Variants in TSHR observed in about 807,000 individuals in gnomAD.
TSHR encodes thyrotropin receptor.
In TSHR, 51 loss-of-function variants were observed where a neutral mutation model predicts 64.1. The ratio of observed to expected loss-of-function variants is 0.80; its 90% CI spans 0.64 to 1.01. The LOEUF (loss-of-function observed/expected upper bound fraction) is 1.01. TSHR is among the 50% of genes least tolerant of loss of function. The probability of loss-of-function intolerance (pLI) is 0.00; values close to 1 mark genes in which losing one functional copy is unlikely to be tolerated. For missense variants in TSHR, 877 were observed against 942.8 expected, an observed-to-expected ratio of 0.93 and a Z score of 0.91; for synonymous variants, 361 against 361.9, an observed-to-expected ratio of 1.00 and a Z score of 0.03.
At chr14:81,006,343 G>C (rs144447853) in intron 1 of TSHR, among the ~76,000 whole-genome samples, 198 of 152,056 alleles carry the variant, frequency 1.3e-3, no homozygotes, top group Middle Eastern at 3.4e-3. Context: ...CTTTTCTGGG[G>C]CATCTCTCCT....
intron 1 of TSHR, chr14:81,052,848 C>T (rs1332950081): frequency 1.3e-5 from 2 of 151,884 alleles, no homozygotes; most frequent in African/African-American, 2.4e-5. Flanking sequence ...TCATTGTTAC[C>T]ATATAGAAAC....
chr14:81,055,635 T>C (rs1489787286), intron 1 of TSHR, among the ~76,000 whole-genome samples: 1 of 152,140 alleles, frequency 6.6e-6, no homozygotes, highest in Non-Finnish European at 1.5e-5. Context: ...AGACATGGAG[T>C]CAAAGGAGAT....
rs1490265421 is a variant in TSHR, at chr14:81,038,648, C to A, written c.171-23500C>A. 1.3e-4 allele frequency among the ~76,000 whole-genome samples: 19 copies of A among 149,940 alleles called. 1 individual carries two copies. Among genetic ancestry groups the A allele is most frequent in the Non-Finnish European group, 2.7e-4 (18 of 67,328 alleles). ...AATAAAATCAGAGATTAAAAAGAAG[C>A]CATTATACCTGATACCACAGAAATA... On this transcript the variant is annotated intron_variant, in intron 1 of 9. Coordinates refer to ENST00000298171, the MANE Select transcript of TSHR (RefSeq NM_000369.5).
At chr14:81,020,894 C>T (rs1182691326) in intron 1 of TSHR, among the ~76,000 whole-genome samples, 1 of 152,046 alleles carries the variant, frequency 6.6e-6, no homozygotes, top group Non-Finnish European at 1.5e-5. Flanking sequence ...AACATCCTAT[C>T]TTTGTGAAGC....
At chr14:81,065,996 A>C (rs564621357) in intron 2 of TSHR, among the ~76,000 whole-genome samples, 1 of 152,312 alleles carries the variant, frequency 6.6e-6, no homozygotes, top group East Asian at 1.9e-4. Context: ...TTAAATGCGA[A>C]GAAGAAGTAG....
chr14:81,073,011 AT>A (rs869295363), intron 3 of TSHR, among the ~76,000 whole-genome samples: 13,769 of 58,158 alleles, frequency 0.24, 4,169 homozygotes, highest in Non-Finnish European at 0.34. Flanking sequence ...AAAAAAAAAA[AT>A]AAAAAATAAA....
chr14:81,000,293 A>C (rs1889246730), intron 1 of TSHR, among the ~76,000 whole-genome samples: 1 of 88,988 alleles, frequency 1.1e-5, no homozygotes, highest in Non-Finnish European at 2.4e-5. Context: ...CGGTTCTTTA[A>C]CTTAACATGT....
At chr14:81,141,515 G>T (rs1891686416) in intron 9 of TSHR, among the ~76,000 whole-genome samples, 1 of 152,210 alleles carries the variant, frequency 6.6e-6, no homozygotes, top group Non-Finnish European at 1.5e-5. Context: ...TTGTTAAACA[G>T]ATATTTACTG....
At chr14:80,975,385 A>G (rs1887816215) in intron 1 of TSHR, among the ~76,000 whole-genome samples, 2 of 152,092 alleles carry the variant, frequency 1.3e-5, no homozygotes, top group African/African-American at 4.8e-5. Context: ...TCCTCACCCT[A>G]TTTTGACTTT....
Position 81,143,898 on chromosome 14 carries a change from A to G in TSHR, c.1840A>G (p.Asn614Asp). The change falls in exon 10 of 10, where the codon AAC becomes GAC. Residue 614 changes from asparagine to aspartate, a missense_variant. Asn to Asp is a conservative substitution (Grantham distance 23). Coordinates refer to ENST00000298171, the MANE Select transcript of TSHR (RefSeq NM_000369.5). Reference sequence around the variant, plus strand: ...CATCACAGTCCGAAATCCGCAGTACAACCCAGGGGACAAAGATACCAAAAT... The same window carrying G: ...CATCACAGTCCGAAATCCGCAGTACGACCCAGGGGACAAAGATACCAAAAT... ...IYITVRNPQY[N>D]PGDKDTKIAK... 6.2e-7 allele frequency: 1 copy of G among 1,614,192 alleles called. No individual in the cohort carries two copies.
chr14:81,024,942 T>G (rs1464267451), intron 1 of TSHR, among the ~76,000 whole-genome samples: 2 of 152,200 alleles, frequency 1.3e-5, no homozygotes. Flanking sequence ...TTTACTGTCA[T>G]ATGGAATTTA....
intron 8 of TSHR, among the ~76,000 whole-genome samples, chr14:81,115,320 C>T (rs1285573467): frequency 5.3e-5 from 8 of 150,222 alleles, no homozygotes; most frequent in African/African-American, 1.0e-4. Context: ...ATAACCAATA[C>T]AGAGAAGTGC....
intron 1 of TSHR, among the ~76,000 whole-genome samples, chr14:80,964,616 T>A (rs746741645): frequency 3.3e-5 from 5 of 152,196 alleles, no homozygotes; most frequent in Non-Finnish European, 7.3e-5. Flanking sequence ...TAGGAATCTG[T>A]GGTTGTGTGA....
chr14:80,993,353 TC>T (rs1888843112), intron 1 of TSHR: 1 of 83,134 alleles, frequency 1.2e-5, no homozygotes, highest in Non-Finnish European at 2.4e-5. Context: ...GGACACACAA[TC>T]CATAGTCACT....
intron 1 of TSHR, among the ~76,000 whole-genome samples, chr14:80,963,366 C>G (rs1259701495): frequency 6.6e-6 from 1 of 152,140 alleles, no homozygotes; most frequent in Admixed American, 6.6e-5. Flanking sequence ...TTAGGGTTGC[C>G]CTATCCAAAT....
intron 7 of TSHR, among the ~76,000 whole-genome samples, chr14:81,106,082 A>T (rs570041036): frequency 9.8e-5 from 15 of 152,322 alleles, no homozygotes; most frequent in African/African-American, 3.4e-4. Flanking sequence ...AGCCACTGGG[A>T]AGGCACAGAT....
At chr14:81,022,106 C>CAAA (rs10631450) in intron 1 of TSHR, among the ~76,000 whole-genome samples, 10,121 of 115,316 alleles carry the variant, frequency 0.088, 1,506 homozygotes, top group African/African-American at 0.33. Flanking sequence ...ACTAAAAATA[C>CAAA]AAAAAAAAAA....
intron 5 of TSHR, among the ~76,000 whole-genome samples, chr14:81,092,205 T>C (rs1054613400): frequency 2.0e-5 from 3 of 152,194 alleles, no homozygotes; most frequent in Non-Finnish European, 2.9e-5. Flanking sequence ...ACTCTAGTTG[T>C]TGTGGACAAA....
intron 1 of TSHR, chr14:81,051,894 T>C (rs1048807258): frequency 2.0e-5 from 3 of 152,286 alleles, no homozygotes; most frequent in Non-Finnish European, 2.9e-5. Context: ...ATATGTTTTA[T>C]TGAGTCATTT....
Sources: gnomAD v4.1 joint callset for allele counts (sites outside exome capture counted in the v4.1 genomes callset) on GRCh38, gnomAD v4.1.1 for gene constraint, MANE v1.5 for transcripts, NCBI Gene and HGNC (gene_info 2026-07-23, HGNC 2026-07-21) for gene names.